WDR11: variants seen among roughly 807,000 people sequenced by gnomAD.
WDR11 encodes the protein WD repeat domain 11, also known as WD repeat-containing protein 11.
WDR11 carries 83 observed loss-of-function variants against 151.2 expected under a neutral mutation model. The ratio of observed to expected loss-of-function variants is 0.55; its 90% CI spans 0.46 to 0.66. The LOEUF (loss-of-function observed/expected upper bound fraction) is 0.66. WDR11 is among the 30% of genes least tolerant of loss of function. The probability of loss-of-function intolerance (pLI) is 0.00; values close to 1 mark genes in which losing one functional copy is unlikely to be tolerated. For synonymous variants in WDR11, 484 were observed against 533.1 expected, an observed-to-expected ratio of 0.91 and a Z score of 1.27; for missense variants, 1,301 against 1,480.9, an observed-to-expected ratio of 0.88 and a Z score of 1.99.
At chr10:120,903,604 CT>C (rs1847922731) in intron 23 of WDR11, among the ~76,000 whole-genome samples, 1 of 151,660 alleles carries the variant, frequency 6.6e-6, no homozygotes, top group African/African-American at 2.4e-5. Flanking sequence ...TAGACAGTTA[CT>C]GCGTTGTTTA....
At chr10:120,904,277 GCTTT>G in intron 24 of WDR11, 135 bp downstream of exon 24, 1 of 733,836 alleles carries the variant, frequency 1.4e-6, no homozygotes, top group Non-Finnish European at 2.3e-6. Flanking sequence ...GACAGTTTAG[GCTTT>G]CTTTCAAAAT....
At chr10:120,865,841 A>ACTC in intron 7 of WDR11, 97 bp downstream of exon 7, 1 of 799,786 alleles carries the variant, frequency 1.3e-6, no homozygotes, top group Non-Finnish European at 2.1e-6. Flanking sequence ...AGTTAATGAT[A>ACTC]CTCCTTGCTT....
At chr10:120,898,861 C>A (rs1208326083) in intron 19 of WDR11, among the ~76,000 whole-genome samples, 2 of 152,098 alleles carry the variant, frequency 1.3e-5, no homozygotes, top group African/African-American at 4.8e-5. Context: ...TTCTTTACAG[C>A]AGCATGAAAA....
chr10:120,859,503 G>A (rs991366219), intron 3 of WDR11, among the ~76,000 whole-genome samples: 1 of 151,908 alleles, frequency 6.6e-6, no homozygotes, highest in Non-Finnish European at 1.5e-5. Context: ...TCCTGACTTC[G>A]TGATCCACCT....
chr10:120,898,999 G>A (rs1396247983), intron 19 of WDR11, among the ~76,000 whole-genome samples: 1 of 152,180 alleles, frequency 6.6e-6, no homozygotes, highest in Non-Finnish European at 1.5e-5. Flanking sequence ...TTGGTAGTAA[G>A]GCCAAGTTGT....
rs58092721 is a variant in WDR11, at chr10:120,905,003, A to T, written c.3193+192A>T. Among the ~76,000 whole-genome samples the T allele has an allele frequency of 0.046, 7,054 of 152,262 alleles. 571 individuals carry two copies. Among genetic ancestry groups the T allele is most frequent in the African/African-American group, 0.16 (6,621 of 41,516 alleles). ...TTAATTGTTTACACTTTTCAGAGTG[A>T]AAGGGGGCACTGTTAATAATTGCTG... is the stretch of plus-strand genomic sequence containing the variant. On this transcript the variant is annotated intron_variant, in intron 25 of 28. Coordinates refer to ENST00000263461, the MANE Select transcript of WDR11 (RefSeq NM_018117.12).
intron 2 of WDR11, 51 bp from the exon 3 acceptor site, chr10:120,858,592 C>A: frequency 6.2e-7 from 1 of 1,608,294 alleles, no homozygotes; most frequent in South Asian, 1.1e-5. Context: ...AAATTATGTT[C>A]TGTTTCATCC....
chr10:120,874,182 T>G (rs1413936651), intron 11 of WDR11, among the ~76,000 whole-genome samples: 28 of 58,232 alleles, frequency 4.8e-4, no homozygotes, highest in Admixed American at 1.5e-3. Context: ...TGCAGTTTTT[T>G]TTTTTTTTTT....
Position 120,886,689 on chromosome 10 carries a change from C to G in WDR11, c.1974C>G (p.Ser658Arg), listed in dbSNP as rs1847231986. The change falls in exon 16 of 29, where the codon AGC (serine) becomes AGG (arginine). Residue 658 changes from serine (S) to arginine (R), a missense_variant and splice_region_variant. This residue lies in a region of WDR11 where 20 missense variants were observed against 47.8 expected (regional missense o/e 0.42). Transcript: ENST00000263461. ...TATCATATGTTTCACTATCCCAAAG[C>G]TTGCTGCAGGAGGCAGAAAGTAAAT... ...ELSIVESSVI[S>R]LLQEAESKSE... 1 of 1,613,496 alleles carries G rather than the reference C, an allele frequency of 6.2e-7. No homozygotes were observed. Among genetic ancestry groups the G allele is most frequent in the Non-Finnish European group, 8.5e-7 (1 of 1,179,786 alleles).
intron 13 of WDR11, among the ~76,000 whole-genome samples, chr10:120,882,661 G>C (rs928824861): frequency 4.7e-5 from 7 of 149,908 alleles, no homozygotes; most frequent in African/African-American, 1.7e-4. Context: ...TTAATTTATT[G>C]AAATAAGCTT....
chr10:120,880,667 A>C (rs1051513564), intron 12 of WDR11, 159 bp from the exon 13 acceptor site: 6 of 688,208 alleles, frequency 8.7e-6, no homozygotes, highest in African/African-American at 3.7e-5. Flanking sequence ...AAAAAAAAAA[A>C]CCCGAAAAAA....
intron 11 of WDR11, among the ~76,000 whole-genome samples, chr10:120,876,183 T>C (rs1322850151): frequency 6.6e-6 from 1 of 151,952 alleles, no homozygotes; most frequent in African/African-American, 2.4e-5. Context: ...TTTCACCATG[T>C]TGGTCAGGCC....
Position 120,903,845 on chromosome 10 carries a change from G to A in WDR11, c.2932-202G>A, listed in dbSNP as rs147720351. Among the ~76,000 whole-genome samples, 253 of 152,220 alleles carry A rather than the reference G, an allele frequency of 1.7e-3. 1 individual carries two copies. The highest frequency in any genetic ancestry group is 5.7e-3 in the African/African-American group (235 of 41,526). On this transcript the variant is annotated intron_variant, in intron 23 of 28. Coordinates refer to ENST00000263461, the MANE Select transcript of WDR11 (RefSeq NM_018117.12). Reference sequence around the variant, plus strand: ...AGTGTCAGTTTCTGTAGGCAGGCAGGTATGCATCCAAGTGATAATATCTAT... The same window carrying A: ...AGTGTCAGTTTCTGTAGGCAGGCAGATATGCATCCAAGTGATAATATCTAT...
At chr10:120,858,541 G>A in intron 2 of WDR11, 102 bp from the exon 3 acceptor site, 1 of 1,355,210 alleles carries the variant, frequency 7.4e-7, no homozygotes, top group Non-Finnish European at 1.0e-6. Flanking sequence ...AAATGTTTAT[G>A]TAATATAAAT....
At position 120,905,481 on chromosome 10, in the gene WDR11, T is replaced by G. The variant is rs1407453493; in HGVS notation, c.3291+65T>G. ...GGGATAGAAAGCTCAGTCCTGAACTTTGGACTTATGACTTAGAAACATTTT... is the reference window on the plus strand; with the variant it reads ...GGGATAGAAAGCTCAGTCCTGAACTGTGGACTTATGACTTAGAAACATTTT... On this transcript the variant is annotated intron_variant, in intron 26 of 28. Coordinates refer to ENST00000263461, the MANE Select transcript of WDR11 (RefSeq NM_018117.12). 3.8e-6 allele frequency: 6 copies of G among 1,559,114 alleles called. No individual in the cohort carries two copies. The African/African-American group carries it at 8.1e-5, about 21-fold the overall frequency.
chr10:120,896,053 C>G (rs1847604278), intron 19 of WDR11, among the ~76,000 whole-genome samples: 1 of 152,198 alleles, frequency 6.6e-6, no homozygotes, highest in African/African-American at 2.4e-5. Context: ...AGCCGAACTG[C>G]TTAGCCGTAG....
At chr10:120,866,444 A>G (rs1390978907) in intron 7 of WDR11, 125 bp from the exon 8 acceptor site, 1 of 1,048,910 alleles carries the variant, frequency 9.5e-7, no homozygotes, top group Non-Finnish European at 1.5e-6. Context: ...AAGTGAAGCC[A>G]TGCTTGACAT....
intron 10 of WDR11, among the ~76,000 whole-genome samples, chr10:120,871,753 G>A (rs527381470): frequency 6.6e-6 from 1 of 152,196 alleles, no homozygotes; most frequent in South Asian, 2.1e-4. Flanking sequence ...CTTAATAATA[G>A]CAGGGTTCTT....
intron 11 of WDR11, among the ~76,000 whole-genome samples, chr10:120,875,057 C>T (rs1382981037): frequency 2.0e-5 from 3 of 151,820 alleles, no homozygotes; most frequent in African/African-American, 4.8e-5. Context: ...TGAGTGAGAA[C>T]ATGCAGTGTT....
Sources: allele counts gnomAD v4.1 joint callset (sites outside exome capture counted in the v4.1 genomes callset), GRCh38; gene constraint gnomAD v4.1.1; regional missense constraint gnomAD v4.1.1; transcripts MANE v1.5; gene names NCBI Gene and HGNC (gene_info 2026-07-23, HGNC 2026-07-21).